RHPN2: variants seen among roughly 807,000 people sequenced by gnomAD.
RHPN2 encodes rhophilin-2.
RHPN2 carries 40 observed loss-of-function variants against 79.0 expected under a neutral mutation model. That is an observed-to-expected ratio of 0.51 (90% confidence interval 0.39 to 0.66). The LOEUF (loss-of-function observed/expected upper bound fraction) is 0.66, where lower values mean the gene tolerates loss of function less well. Ranked by LOEUF, RHPN2 falls within the 30% of genes least tolerant of loss-of-function variation. The pLI, the probability that RHPN2 is intolerant of heterozygous loss-of-function variation, is 0.00. For synonymous variants in RHPN2, 285 were observed against 363.5 expected, an observed-to-expected ratio of 0.78 and a Z score of 2.46; for missense variants, 686 against 883.5, an observed-to-expected ratio of 0.78 and a Z score of 2.83.
intron 3 of RHPN2, among the ~76,000 whole-genome samples, chr19:33,022,181 C>T (rs957845790): frequency 6.6e-6 from 1 of 152,182 alleles, no homozygotes; most frequent in Non-Finnish European, 1.5e-5. Context: ...CTTCTGACCT[C>T]AAGCGATCCG....
At chr19:32,981,090 G>T (rs1971570302) in intron 14 of RHPN2, among the ~76,000 whole-genome samples, 1 of 152,104 alleles carries the variant, frequency 6.6e-6, no homozygotes, top group Non-Finnish European at 1.5e-5. Context: ...CTCCCAAAGT[G>T]CTGGAATTAT....
At chr19:33,030,474 T>G (rs1464906619) in intron 2 of RHPN2, among the ~76,000 whole-genome samples, 29 of 151,998 alleles carry the variant, frequency 1.9e-4, no homozygotes, top group Non-Finnish European at 7.4e-5. Flanking sequence ...ACGCCTGTAG[T>G]CCCAGCTACT....
chr19:33,036,717 G>A (rs895227706), intron 2 of RHPN2, among the ~76,000 whole-genome samples: 2 of 152,174 alleles, frequency 1.3e-5, no homozygotes, highest in African/African-American at 2.4e-5. Flanking sequence ...TGGGCTGGAC[G>A]GGCCCCGCAC....
chr19:33,064,718 G>C, intron 1 of RHPN2, 66 bp downstream of exon 1: 1 of 1,489,422 alleles, frequency 6.7e-7, no homozygotes, highest in Non-Finnish European at 9.0e-7. Flanking sequence ...CACGGCCCCT[G>C]CAGGGCCCGG....
intron 1 of RHPN2, among the ~76,000 whole-genome samples, chr19:33,047,754 T>C (rs1972153533): frequency 6.6e-6 from 1 of 152,076 alleles, no homozygotes; most frequent in South Asian, 2.1e-4. Context: ...AGATTTCTCA[T>C]TCTTGGCCAG....
At chr19:33,000,995 GTAT>G (rs200053100) in intron 9 of RHPN2, among the ~76,000 whole-genome samples, 30,343 of 151,984 alleles carry the variant, frequency 0.2, 3,060 homozygotes, top group Middle Eastern at 0.29. Context: ...AGAACCTACA[GTAT>G]ATAAAGCATT....
At chr19:33,048,644 T>A (rs947972078) in intron 1 of RHPN2, among the ~76,000 whole-genome samples, 1 of 137,644 alleles carries the variant, frequency 7.3e-6, no homozygotes, top group Non-Finnish European at 1.5e-5. Context: ...GAGAATCACT[T>A]GAACCCGGGA....
intron 14 of RHPN2, among the ~76,000 whole-genome samples, chr19:32,984,486 C>A (rs973828166): frequency 6.6e-6 from 1 of 152,072 alleles, no homozygotes; most frequent in Non-Finnish European, 1.5e-5. Flanking sequence ...TGGTGAAACC[C>A]CATCTCTACT....
At chr19:33,060,928 T>C in intron 1 of RHPN2, among the ~76,000 whole-genome samples, 1 of 152,176 alleles carries the variant, frequency 6.6e-6, no homozygotes, top group East Asian at 1.9e-4. Flanking sequence ...TCCCAATGCC[T>C]CCCTGCCTGG....
intron 1 of RHPN2, among the ~76,000 whole-genome samples, chr19:33,049,995 C>T (rs374030919): frequency 2.0e-5 from 3 of 152,148 alleles, no homozygotes; most frequent in African/African-American, 4.8e-5. Flanking sequence ...CCCACTCTCC[C>T]GCCTCATAGC....
intron 2 of RHPN2, among the ~76,000 whole-genome samples, chr19:33,037,444 G>C (rs191091862): frequency 5.9e-5 from 9 of 152,278 alleles, no homozygotes; most frequent in Admixed American, 5.9e-4. Flanking sequence ...AACCTGCTCT[G>C]GTCCCTTTCC....
At chr19:32,988,289 G>A (rs1397338101) in intron 14 of RHPN2, among the ~76,000 whole-genome samples, 1 of 151,896 alleles carries the variant, frequency 6.6e-6, no homozygotes, top group Non-Finnish European at 1.5e-5. Flanking sequence ...CACTACCCAT[G>A]AGATTGATCA....
intron 4 of RHPN2, among the ~76,000 whole-genome samples, chr19:33,020,959 T>G (rs1971919506): frequency 6.6e-6 from 1 of 152,208 alleles, no homozygotes; most frequent in South Asian, 2.1e-4. Context: ...TCTTAAAATT[T>G]TTTGAAAAGT....
chr19:32,990,368 C>T lies in RHPN2; in HGVS notation c.1800+146G>A, dbSNP rs529280222. On this transcript the variant is annotated intron_variant, in intron 14 of 14. Coordinates refer to ENST00000254260, the MANE Select transcript of RHPN2 (RefSeq NM_033103.5). ...TCTTTGACCCAAGGTGAGCACATTA[C>T]AGTGATTACAAGCCTGGGAGTCCAG... 1.1e-4 allele frequency: 92 copies of T among 852,528 alleles called. No homozygotes were observed. The African/African-American group carries it at 1.1e-3, about 11-fold the overall frequency. The allele number at this position is 852,528 out of a possible 1,614,324, so 52.8% of individuals were successfully genotyped here. A position where few individuals can be genotyped will look rare whatever the true frequency, so the allele number is the denominator to read the frequency against.
chr19:33,000,775 G>C (rs577029516), intron 9 of RHPN2, among the ~76,000 whole-genome samples: 96 of 152,192 alleles, frequency 6.3e-4, no homozygotes, highest in African/African-American at 2.2e-3. Context: ...CCTCTAGGCT[G>C]ACCCTTCCCT....
chr19:33,024,795 T>G (rs1971953090), intron 3 of RHPN2, among the ~76,000 whole-genome samples: 1 of 152,214 alleles, frequency 6.6e-6, no homozygotes, highest in Admixed American at 6.5e-5. Context: ...TTTTTGTGTT[T>G]TTTGAGACAG....
chr19:32,987,755 G>A (rs1018786834), intron 14 of RHPN2, among the ~76,000 whole-genome samples: 5 of 152,022 alleles, frequency 3.3e-5, no homozygotes, highest in Non-Finnish European at 7.4e-5. Flanking sequence ...TTTCTTCCTC[G>A]AACTGTAAGA....
chr19:33,038,124 C>T (rs938411077), intron 2 of RHPN2, among the ~76,000 whole-genome samples: 5 of 151,854 alleles, frequency 3.3e-5, no homozygotes, highest in African/African-American at 4.8e-5. Flanking sequence ...GCCGAGTGGG[C>T]GGATCACTTG....
chr19:33,021,282 A>C (rs1336248983), intron 4 of RHPN2, among the ~76,000 whole-genome samples: 2 of 152,148 alleles, frequency 1.3e-5, no homozygotes, highest in African/African-American at 4.8e-5. Context: ...CCTCAGGGTC[A>C]CTCTGTAGAT....
Sources: gnomAD v4.1 joint callset for allele counts (sites outside exome capture counted in the v4.1 genomes callset) on GRCh38, gnomAD v4.1.1 for gene constraint, MANE v1.5 for transcripts, NCBI Gene and HGNC (gene_info 2026-07-23, HGNC 2026-07-21) for gene names.